The following VAC14 variants were observed in gnomAD, a reference collection of about 807,000 sequenced individuals.
The protein encoded by VAC14 is VAC14 component of PIKFYVE complex.
VAC14 carries 47 observed loss-of-function variants against 85.3 expected under a neutral mutation model. That is an observed-to-expected ratio of 0.55 (90% CI 0.44 to 0.70). VAC14 has a LOEUF of 0.70. Ranked by LOEUF, VAC14 falls within the 30% of genes least tolerant of loss-of-function variation. The pLI is 0.00. For missense variants in VAC14, 861 were observed against 1,004.3 expected (o/e 0.86, Z 1.93); for synonymous variants, 447 against 430.5 (o/e 1.04, Z -0.47).
At chr16:70,785,616 G>A (rs1010170653) in intron 3 of VAC14, 86 bp downstream of exon 3, 5 of 1,446,670 alleles carry the variant, frequency 3.5e-6, no homozygotes, top group South Asian at 1.4e-5. Flanking sequence ...GCTTGCATCT[G>A]GGAAAAGGGG....
At chr16:70,738,646 G>C (rs942007904) in intron 13 of VAC14, among the ~76,000 whole-genome samples, 1 of 152,218 alleles carries the variant, frequency 6.6e-6, no homozygotes, top group Non-Finnish European at 1.5e-5. Context: ...CTGGCAGCAC[G>C]GGTATGAGAG....
At chr16:70,695,864 C>T (rs1009818024) in intron 16 of VAC14, 10 of 426,178 alleles carry the variant, frequency 2.3e-5, no homozygotes, top group East Asian at 7.4e-5. Flanking sequence ...TGCACCCTCC[C>T]GGGCTGGGAG....
chr16:70,728,808 A>G (rs1008741510), intron 14 of VAC14, among the ~76,000 whole-genome samples: 4 of 152,188 alleles, frequency 2.6e-5, no homozygotes, highest in Non-Finnish European at 5.9e-5. Context: ...GACTCCCTGA[A>G]AGTCGTCCAG....
intron 7 of VAC14, 23 bp downstream of exon 7, chr16:70,783,010 G>T (rs749953452): frequency 3.1e-6 from 5 of 1,607,098 alleles, no homozygotes; most frequent in Non-Finnish European, 4.3e-6. Context: ...AGCCGTGGCT[G>T]TGGGCCCTCC....
At chr16:70,727,768 G>A (rs2054472659) in intron 14 of VAC14, among the ~76,000 whole-genome samples, 1 of 152,258 alleles carries the variant, frequency 6.6e-6, no homozygotes, top group South Asian at 2.1e-4. Flanking sequence ...AGGAGCATGG[G>A]GAGGATGGAG....
chr16:70,757,148 T>TG (rs35899169), intron 12 of VAC14, among the ~76,000 whole-genome samples: 1 of 152,134 alleles, frequency 6.6e-6, no homozygotes, highest in Non-Finnish European at 1.5e-5. Flanking sequence ...TCTGAGATGC[T>TG]GGGAAGACTC....
At chr16:70,786,007 C>T (rs1448131843) in intron 2 of VAC14, 138 bp from the exon 3 acceptor site, 27 of 1,329,002 alleles carry the variant, frequency 2.0e-5, no homozygotes, top group Non-Finnish European at 2.6e-5. Flanking sequence ...AGACCCTTCC[C>T]AAGCCTCATT....
intron 14 of VAC14, chr16:70,716,450 C>G (rs565666248): frequency 6.6e-6 from 1 of 152,438 alleles, no homozygotes; most frequent in African/African-American, 2.4e-5. Flanking sequence ...AATACCTTCT[C>G]CCCGGTCTGT....
intron 13 of VAC14, among the ~76,000 whole-genome samples, chr16:70,740,903 G>C (rs949376292): frequency 3.3e-5 from 5 of 152,256 alleles, no homozygotes; most frequent in African/African-American, 1.2e-4. Context: ...TCTGCCTCGG[G>C]GGGCCCTGGG....
chr16:70,688,536 C>G (rs2053541772), intron 18 of VAC14: 4 of 986,428 alleles, frequency 4.1e-6, no homozygotes, highest in Non-Finnish European at 4.8e-6. Flanking sequence ...ATGGGAATTG[C>G]TGAAGAGCCT....
intron 16 of VAC14, 143 bp from the exon 17 acceptor site, chr16:70,695,766 C>T: frequency 1.4e-6 from 1 of 704,040 alleles, no homozygotes; most frequent in Non-Finnish European, 2.4e-6. Flanking sequence ...CAAAGGACAC[C>T]AGGCTCTTCC....
chr16:70,697,765 T>A (rs1360694858), intron 15 of VAC14, among the ~76,000 whole-genome samples: 1 of 152,196 alleles, frequency 6.6e-6, no homozygotes, highest in Non-Finnish European at 1.5e-5. Flanking sequence ...TCTTAAGGCC[T>A]CTGCGAATGT....
chr16:70,752,586 TC>T (rs1483177248), intron 12 of VAC14, among the ~76,000 whole-genome samples: 4 of 152,228 alleles, frequency 2.6e-5, no homozygotes, highest in African/African-American at 9.6e-5. Flanking sequence ...CCGCTATGGC[TC>T]TGTCACCAGG....
Position 70,687,745 on chromosome 16 carries a change from G to A in VAC14, c.*183C>T, listed in dbSNP as rs1017793044. ...CAGGGTGCAGCTGACAGCGCTGGAG[G>A]CCTGGGGACTGGACTCTGAGAGGAG... On this transcript the variant is annotated 3_prime_UTR_variant, in exon 19 of 19. Transcript: ENST00000261776. 12 of 571,600 alleles carry A rather than the reference G, an allele frequency of 2.1e-5. No homozygotes were observed. The highest frequency in any genetic ancestry group is 7.9e-6 in the Non-Finnish European group (3 of 380,454). 35.4% of individuals were successfully genotyped at this position (571,600 alleles called of 1,614,324 possible). A position where few individuals can be genotyped will look rare whatever the true frequency, so the allele number is the denominator to read the frequency against.
chr16:70,688,422 G>C, intron 18 of VAC14: 1 of 1,014,754 alleles, frequency 9.9e-7, no homozygotes, highest in Non-Finnish European at 1.2e-6. Context: ...GCCAGGGCTA[G>C]CAGCCAGCCA....
chr16:70,761,018 T>TGTGTGTGTGCGCGC (rs1555523169), intron 12 of VAC14: 1 of 267,786 alleles, frequency 3.7e-6, no homozygotes, highest in African/African-American at 4.3e-5. Context: ...TGTGTGTGTG[T>TGTGTGTGTGCGCGC]GCATGGGGGG....
intron 1 of VAC14, among the ~76,000 whole-genome samples, chr16:70,789,840 G>A (rs1396028384): frequency 6.6e-6 from 1 of 152,206 alleles, no homozygotes; most frequent in Non-Finnish European, 1.5e-5. Context: ...GCCAGGACAT[G>A]TTTCCGCTTG....
intron 14 of VAC14, among the ~76,000 whole-genome samples, chr16:70,728,913 C>T (rs1350443928): frequency 6.6e-6 from 1 of 152,214 alleles, no homozygotes; most frequent in Admixed American, 6.5e-5. Flanking sequence ...CGCTGCTTTC[C>T]TGGTGGGGGG....
Position 70,688,005 on chromosome 16 carries a change from C to T in VAC14, c.2272G>A (p.Val758Ile), listed in dbSNP as rs768223914. 9 of 1,606,856 alleles carry T rather than the reference C, an allele frequency of 5.6e-6. No homozygotes were observed. The highest frequency in any genetic ancestry group is 6.0e-6 in the Non-Finnish European group (7 of 1,175,962). The change falls in exon 19 of 19, where the codon GTC becomes ATC. Residue 758 changes from valine to isoleucine, a missense_variant. Val to Ile is a conservative substitution (Grantham distance 29). Transcript: ENST00000261776. The stretch of plus-strand genomic sequence containing the variant: ...CGCACTTCCAGGTGCTTGTTCTGGA[C>T]CTTCTCAAAGTGCTGCAGCAGCTCT... Reference protein sequence around the residue: ...YAELLQHFEKVQNKHLEVRHQ... With the variant: ...YAELLQHFEKIQNKHLEVRHQ...
Sources: gnomAD v4.1 joint callset for allele counts (sites outside exome capture counted in the v4.1 genomes callset) on GRCh38, gnomAD v4.1.1 for gene constraint, MANE v1.5 for transcripts, NCBI Gene and HGNC (gene_info 2026-07-23, HGNC 2026-07-21) for gene names.